GRIN2B: variants seen among roughly 807,000 people sequenced by gnomAD.
GRIN2B encodes the protein glutamate receptor ionotropic, NMDA 2B.
In GRIN2B, 5 loss-of-function variants were observed where a neutral mutation model predicts 114.5. The ratio of observed to expected loss-of-function variants is 0.04; its 90% CI spans 0.02 to 0.09. The LOEUF (loss-of-function observed/expected upper bound fraction) is 0.09. Ranked by LOEUF, GRIN2B falls within the 10% of genes least tolerant of loss-of-function variation. The pLI is 1.00. For missense variants in GRIN2B, 1,108 were observed against 1,943.5 expected (o/e 0.57, Z 8.08); for synonymous variants, 787 against 745.1 (o/e 1.06, Z -0.92).
At chr12:13,700,501 T>A (rs1235434123) in intron 4 of GRIN2B, among the ~76,000 whole-genome samples, 1 of 152,134 alleles carries the variant, frequency 6.6e-6, no homozygotes, top group Non-Finnish European at 1.5e-5. Context: ...TGTAACTGCT[T>A]TGACCAAGAG....
At chr12:13,631,393 A>G (rs1411079306) in intron 5 of GRIN2B, among the ~76,000 whole-genome samples, 1 of 152,180 alleles carries the variant, frequency 6.6e-6, no homozygotes, top group Non-Finnish European at 1.5e-5. Flanking sequence ...GGGTAAAAAC[A>G]TTTGCCAAAA....
rs1033382633 is a variant in GRIN2B, at chr12:13,675,635, T to C, written c.1125+110A>G. ...CCTGTGTATCAAGGTATTGATCCCT[T>C]GCTCCACAGGTCTAGGGACAAAAGC... On this transcript the variant is annotated intron_variant, in intron 5 of 13. Transcript: ENST00000609686. 1.6e-5 allele frequency: 12 copies of C among 761,468 alleles called. No homozygotes were observed. In the African/African-American group the frequency reaches 2.0e-4, roughly 13 times the overall value. 47.2% of individuals were successfully genotyped at this position (761,468 alleles called of 1,614,324 possible).
intron 2 of GRIN2B, among the ~76,000 whole-genome samples, chr12:13,924,380 G>C (rs116677634): frequency 1.3e-5 from 2 of 152,194 alleles, no homozygotes; most frequent in Non-Finnish European, 2.9e-5. Flanking sequence ...ACAACTGTGA[G>C]AGCTATTATC....
chr12:13,615,876 C>T lies in GRIN2B; in HGVS notation c.1329-212G>A, dbSNP rs548389573. Among the ~76,000 whole-genome samples, 18 of 152,220 alleles carry T rather than the reference C, an allele frequency of 1.2e-4. No homozygotes were observed. Among genetic ancestry groups the T allele is most frequent in the African/African-American group, 4.3e-4 (18 of 41,526 alleles). On this transcript the variant is annotated intron_variant, in intron 6 of 13. Coordinates refer to ENST00000609686, the MANE Select transcript of GRIN2B (RefSeq NM_000834.5). The surrounding 1 kb of genome is among the most constrained non-coding windows in gnomAD (Gnocchi z 5.8). ...CTCGTCATATTGAGATATGTTTCCT[C>T]TTAATTTTAATTCTCCTTTGAAGTA...
At chr12:13,690,488 T>A (rs1950207872) in intron 4 of GRIN2B, among the ~76,000 whole-genome samples, 1 of 152,222 alleles carries the variant, frequency 6.6e-6, no homozygotes, top group Non-Finnish European at 1.5e-5. Flanking sequence ...GAATATATTA[T>A]CTATAATCTT....
In GRIN2B at chr12:13,562,684, T is replaced by C; in HGVS notation, c.*99A>G. 9.7e-7 allele frequency: 1 copy of C among 1,035,296 alleles called. No homozygotes were observed. The allele number at this position is 1,035,296 out of a possible 1,614,324, so 64.1% of individuals were successfully genotyped here. ...TAAATTAAAACAAGAAAGGAGCAAATGGGAACCAAGTTCACCCCCGTCACC... is the reference window on the plus strand; with the variant it reads ...TAAATTAAAACAAGAAAGGAGCAAACGGGAACCAAGTTCACCCCCGTCACC... On this transcript the variant is annotated 3_prime_UTR_variant, in exon 14 of 14. Coordinates refer to ENST00000609686, the MANE Select transcript of GRIN2B (RefSeq NM_000834.5).
At chr12:13,916,737 T>TTGTGTGTGTGTGTGTGTGTGTG (rs57501769) in intron 2 of GRIN2B, among the ~76,000 whole-genome samples, 3 of 139,898 alleles carry the variant, frequency 2.1e-5, no homozygotes, top group African/African-American at 7.9e-5. Context: ...ACACACACAT[T>TTGTGTGTGTGTGTGTGTGTGTG]TGTGTGTGTG....
intron 10 of GRIN2B, among the ~76,000 whole-genome samples, chr12:13,605,551 T>TCTCTCTCTCTCTCTCACACA: frequency 2.3e-4 from 7 of 30,436 alleles, no homozygotes; most frequent in African/African-American, 6.2e-4. Context: ...TCTCTCTCTC[T>TCTCTCTCTCTCTCTCACACA]GACACACACA....
intron 5 of GRIN2B, among the ~76,000 whole-genome samples, chr12:13,645,859 A>G (rs2136511776): frequency 6.6e-6 from 1 of 152,234 alleles, no homozygotes; most frequent in East Asian, 1.9e-4. Flanking sequence ...CTACATAAAT[A>G]AATGTTTAAG....
At chr12:13,648,246 G>A (rs1949781225) in intron 5 of GRIN2B, among the ~76,000 whole-genome samples, 1 of 152,034 alleles carries the variant, frequency 6.6e-6, no homozygotes. Flanking sequence ...ACGGACAGTT[G>A]AGAACTTATT....
intron 3 of GRIN2B, among the ~76,000 whole-genome samples, chr12:13,855,661 C>T (rs1865648107): frequency 6.6e-6 from 1 of 152,122 alleles, no homozygotes; most frequent in South Asian, 2.1e-4. Flanking sequence ...TGTGTCTTCT[C>T]CTCTTCTGTG....
chr12:13,880,308 A>T (rs755387423), intron 2 of GRIN2B, among the ~76,000 whole-genome samples: 5 of 152,228 alleles, frequency 3.3e-5, no homozygotes, highest in Non-Finnish European at 7.3e-5. Context: ...GGGGAATGAG[A>T]ACAGCGTGGC....
chr12:13,824,504 T>C (rs1372359403), intron 3 of GRIN2B, among the ~76,000 whole-genome samples: 1 of 152,184 alleles, frequency 6.6e-6, no homozygotes, highest in East Asian at 1.9e-4. Flanking sequence ...ATTTATGTTT[T>C]ATCTCCTCAG....
Position 13,741,872 on chromosome 12 carries a change from G to T in GRIN2B, c.1010+11445C>A, listed in dbSNP as rs148520285. Among the ~76,000 whole-genome samples, 58 of 152,220 alleles carry T rather than the reference G, an allele frequency of 3.8e-4. No homozygotes were observed. The East Asian group carries it at 0.01, about 27-fold the overall frequency. ...AATCTCAGTTTATCTAAAAATTGGA[G>T]GCAATCATATCCCTGTACAATACTT... On this transcript the variant is annotated intron_variant, in intron 4 of 13. Transcript: ENST00000609686.
At chr12:13,911,947 G>A (rs572855613) in intron 2 of GRIN2B, among the ~76,000 whole-genome samples, 1 of 152,296 alleles carries the variant, frequency 6.6e-6, no homozygotes, top group Non-Finnish European at 1.5e-5. Context: ...TGTGCGTGCA[G>A]TGCGGAGAGA....
intron 2 of GRIN2B, among the ~76,000 whole-genome samples, chr12:13,897,336 C>T (rs1866370541): frequency 6.6e-6 from 1 of 152,148 alleles, no homozygotes; most frequent in Admixed American, 6.5e-5. Flanking sequence ...AAATAAAAGA[C>T]TCCCCAGCCC....
chr12:13,858,339 C>T (rs928242255), intron 3 of GRIN2B, among the ~76,000 whole-genome samples: 6 of 152,042 alleles, frequency 3.9e-5, no homozygotes, highest in African/African-American at 1.2e-4. Context: ...AGCAATAAAC[C>T]TTTATTGTAC....
intron 5 of GRIN2B, among the ~76,000 whole-genome samples, chr12:13,647,331 T>C (rs1200276327): frequency 6.6e-6 from 1 of 152,046 alleles, no homozygotes; most frequent in Non-Finnish European, 1.5e-5. Flanking sequence ...ATAATTTGAG[T>C]AAGTTTGTTC....
At chr12:13,856,048 G>A (rs1865655489) in intron 3 of GRIN2B, among the ~76,000 whole-genome samples, 1 of 152,190 alleles carries the variant, frequency 6.6e-6, no homozygotes, top group Non-Finnish European at 1.5e-5. Flanking sequence ...GAGGGCACAG[G>A]TGACGCACAA....
Sources: gnomAD v4.1 joint callset for allele counts (sites outside exome capture counted in the v4.1 genomes callset) on GRCh38, gnomAD v4.1.1 for gene constraint, Gnocchi (gnomAD v3.1) non-coding constraint, MANE v1.5 for transcripts, NCBI Gene and HGNC (gene_info 2026-07-23, HGNC 2026-07-21) for gene names.